The following EGFLAM variants were observed in gnomAD, a reference collection of about 807,000 sequenced individuals.
EGFLAM encodes the protein pikachurin.
Under a neutral mutation model 113.1 loss-of-function variants are expected in EGFLAM, and 79 were observed. That is an observed-to-expected ratio of 0.70 (90% CI 0.58 to 0.84). The LOEUF is 0.84. Ranked by LOEUF, EGFLAM falls within the 40% of genes least tolerant of loss-of-function variation. The pLI is 0.00. For missense variants in EGFLAM, 1,265 were observed against 1,291.6 expected (o/e 0.98, Z 0.32); for synonymous variants, 504 against 487.6 (o/e 1.03, Z -0.44).
intron 12 of EGFLAM, among the ~76,000 whole-genome samples, chr5:38,420,031 CA>C (rs1275670690): frequency 8.6e-5 from 13 of 151,602 alleles, no homozygotes; most frequent in Admixed American, 7.9e-4. Flanking sequence ...TCTTAAAAAA[CA>C]AAAAACAAAA....
chr5:38,438,931 A>G (rs1466450343), intron 17 of EGFLAM, among the ~76,000 whole-genome samples: 2 of 152,248 alleles, frequency 1.3e-5, no homozygotes, highest in Admixed American at 6.5e-5. Flanking sequence ...GCTCCAAACT[A>G]AAGTATGCAT....
At chr5:38,387,998 C>T (rs935085295) in intron 6 of EGFLAM, among the ~76,000 whole-genome samples, 1 of 152,160 alleles carries the variant, frequency 6.6e-6, no homozygotes, top group Admixed American at 6.5e-5. Flanking sequence ...CCCTCCCCAG[C>T]TTAGTTACCA....
chr5:38,376,729 G>T (rs1019496128), intron 6 of EGFLAM, among the ~76,000 whole-genome samples: 4 of 152,138 alleles, frequency 2.6e-5, no homozygotes, highest in Non-Finnish European at 5.9e-5. Context: ...GGAGTGCAGT[G>T]CCATGATCTC....
In EGFLAM at chr5:38,325,084, G is replaced by A. The variant is rs145118760; in HGVS notation, c.98-12436G>A. On this transcript the variant is annotated intron_variant, in intron 1 of 21. Transcript: ENST00000322350. ...GGGAAGGGCTGGGCTGGAGAAATGG[G>A]TGCGGGAGCCACAGGATATATGTGG... Among the ~76,000 whole-genome samples, 436 of 152,292 alleles carry A rather than the reference G, an allele frequency of 2.9e-3. 3 individuals are homozygous for A. The highest frequency in any genetic ancestry group is 0.01 in the Middle Eastern group (3 of 294).
chr5:38,361,807 C>G (rs1739930076), intron 5 of EGFLAM, among the ~76,000 whole-genome samples: 1 of 152,120 alleles, frequency 6.6e-6, no homozygotes, highest in Non-Finnish European at 1.5e-5. Context: ...TTACTTTCCT[C>G]TGCTGTAAAA....
intron 1 of EGFLAM, among the ~76,000 whole-genome samples, chr5:38,275,297 A>T (rs1264123749): frequency 6.6e-6 from 1 of 152,170 alleles, no homozygotes; most frequent in Non-Finnish European, 1.5e-5. Context: ...GAAAAACAAG[A>T]CCCATCTATG....
At chr5:38,262,227 G>A (rs563380861) in intron 1 of EGFLAM, among the ~76,000 whole-genome samples, 19 of 152,320 alleles carry the variant, frequency 1.2e-4, no homozygotes, top group Admixed American at 7.2e-4. Context: ...GAGGACTGCC[G>A]TGCTTCTGTG....
intron 14 of EGFLAM, among the ~76,000 whole-genome samples, chr5:38,429,330 C>G (rs2112201029): frequency 6.6e-6 from 1 of 152,280 alleles, no homozygotes; most frequent in East Asian, 1.9e-4. Flanking sequence ...ATTGATTTAG[C>G]CAAGGTGATT....
intron 6 of EGFLAM, among the ~76,000 whole-genome samples, chr5:38,377,722 G>A (rs1740402673): frequency 6.6e-6 from 1 of 152,138 alleles, no homozygotes. Context: ...TAAGGAAAAG[G>A]TAAACAAATA....
At chr5:38,363,867 T>C (rs533430123) in intron 5 of EGFLAM, among the ~76,000 whole-genome samples, 1 of 152,334 alleles carries the variant, frequency 6.6e-6, no homozygotes, top group Non-Finnish European at 1.5e-5. Flanking sequence ...AAATATTCTG[T>C]GCTTTGCCAG....
chr5:38,446,480 GC>G (rs1215079977), intron 17 of EGFLAM, among the ~76,000 whole-genome samples: 1 of 151,600 alleles, frequency 6.6e-6, no homozygotes, highest in Admixed American at 6.6e-5. Flanking sequence ...TTGCCATTTT[GC>G]CCCCCAACTC....
chr5:38,388,558 A>G (rs2112081253), intron 6 of EGFLAM, among the ~76,000 whole-genome samples: 1 of 152,194 alleles, frequency 6.6e-6, no homozygotes, highest in Non-Finnish European at 1.5e-5. Flanking sequence ...AGCCTGGCCA[A>G]CATGGTGAAA....
Position 38,348,316 on chromosome 5 carries a change from A to T in EGFLAM, c.292-2185A>T, listed in dbSNP as rs377317184. On this transcript the variant is annotated intron_variant, in intron 3 of 21. Transcript: ENST00000322350. Reference sequence around the variant, plus strand: ...TGGGAGATGAGTTTACCCAAGCAAGACTACGAGGGAGAAGAGAAGATGGTG... The same window carrying T: ...TGGGAGATGAGTTTACCCAAGCAAGTCTACGAGGGAGAAGAGAAGATGGTG... 4.6e-5 allele frequency among the ~76,000 whole-genome samples: 7 copies of T among 152,188 alleles called. No individual in the cohort carries two copies. In the East Asian group the frequency reaches 1.4e-3, roughly 30 times the overall value.
chr5:38,306,510 A>G (rs1045038986), intron 1 of EGFLAM, among the ~76,000 whole-genome samples: 44 of 152,164 alleles, frequency 2.9e-4, no homozygotes, highest in Admixed American at 2.6e-3. Flanking sequence ...GTTCAGGGCC[A>G]TTTTACTGAA....
chr5:38,337,698 CT>C, intron 2 of EGFLAM, 69 bp downstream of exon 2: 2 of 1,312,364 alleles, frequency 1.5e-6, no homozygotes, highest in Non-Finnish European at 2.1e-6. Flanking sequence ...CTCATCCTTG[CT>C]TTTTCTAGAT....
chr5:38,460,353 C>T (rs1743231157), intron 20 of EGFLAM, among the ~76,000 whole-genome samples: 1 of 152,184 alleles, frequency 6.6e-6, no homozygotes, highest in Admixed American at 6.5e-5. Flanking sequence ...TCTAAGGAAA[C>T]TGATGTTAAA....
chr5:38,279,116 G>C (rs767588086), intron 1 of EGFLAM, among the ~76,000 whole-genome samples: 23 of 152,094 alleles, frequency 1.5e-4, no homozygotes, highest in Non-Finnish European at 2.9e-4. Context: ...ATGAAAAAAT[G>C]CTCAATAATA....
intron 17 of EGFLAM, among the ~76,000 whole-genome samples, chr5:38,446,003 G>T (rs1049303492): frequency 6.6e-6 from 1 of 152,268 alleles, no homozygotes; most frequent in Non-Finnish European, 1.5e-5. Context: ...CAGGCCCACC[G>T]CCACGGGCCA....
intron 1 of EGFLAM, among the ~76,000 whole-genome samples, chr5:38,269,505 T>G (rs1400843748): frequency 1.3e-5 from 2 of 151,532 alleles, no homozygotes; most frequent in African/African-American, 4.8e-5. Flanking sequence ...TTTTTTTTTT[T>G]TTTAGACGGA....
Sources: allele counts gnomAD v4.1 joint callset (sites outside exome capture counted in the v4.1 genomes callset), GRCh38; gene constraint gnomAD v4.1.1; transcripts MANE v1.5; gene names NCBI Gene and HGNC (gene_info 2026-07-23, HGNC 2026-07-21).